Variants in NNT observed in about 807,000 individuals in gnomAD.
The protein encoded by NNT is nicotinamide nucleotide transhydrogenase, also known as NAD(P) transhydrogenase, mitochondrial.
NNT carries 50 observed loss-of-function variants against 104.8 expected under a neutral mutation model. The observed-to-expected ratio is 0.48, with a 90% CI of 0.38 to 0.60. The LOEUF (loss-of-function observed/expected upper bound fraction) is 0.60. Among genes scored for constraint, NNT ranks in the 20% least tolerant of loss-of-function variants. The pLI is 0.00. For synonymous variants in NNT, 461 were observed against 490.4 expected, an observed-to-expected ratio of 0.94 and a Z score of 0.79; for missense variants, 1,131 against 1,330.7, an observed-to-expected ratio of 0.85 and a Z score of 2.33.
intron 5 of NNT, among the ~76,000 whole-genome samples, chr5:43,620,806 T>C (rs1252825018): frequency 2.0e-5 from 3 of 152,210 alleles, no homozygotes; most frequent in Non-Finnish European, 4.4e-5. Flanking sequence ...AGAAGTTCGA[T>C]GCTGTTCTTA....
intron 12 of NNT, among the ~76,000 whole-genome samples, chr5:43,651,290 A>G (rs1002420666): frequency 1.3e-5 from 2 of 151,988 alleles, no homozygotes; most frequent in Admixed American, 6.6e-5. Flanking sequence ...ATGACTTTAA[A>G]TTTTGGCTGG....
At chr5:43,661,322 T>A (rs1580063141) in intron 17 of NNT, among the ~76,000 whole-genome samples, 1 of 152,164 alleles carries the variant, frequency 6.6e-6, no homozygotes, top group Non-Finnish European at 1.5e-5. Context: ...GTTGATGAAT[T>A]TGAATGACCA....
rs778531642 is a variant in NNT, at chr5:43,609,211, A to G, written c.16A>G (p.Lys6Glu). Residue 6 changes from lysine (K) to glutamate (E), a missense_variant, in exon 2 of 22, where the codon AAA becomes GAA. By Grantham distance (56) the Lys-to-Glu change is moderately conservative. Coordinates refer to ENST00000344920, the MANE Select transcript of NNT (RefSeq NM_182977.3). MANLL[K>E]TVVTGCSCPL... Reference sequence around the variant, plus strand: ...TCATATCAACATGGCAAACCTATTGAAAACAGTGGTGACTGGCTGCTCGTG... The same window carrying G: ...TCATATCAACATGGCAAACCTATTGGAAACAGTGGTGACTGGCTGCTCGTG... The G allele has an allele frequency of 5.0e-6, 8 of 1,613,622 alleles. No homozygotes were observed. The Admixed American group carries it at 1.3e-4, about 27-fold the overall frequency.
intron 11 of NNT, among the ~76,000 whole-genome samples, 157 bp downstream of exon 11, chr5:43,649,465 AG>A (rs150041187): frequency 0.059 from 8,966 of 151,972 alleles, 505 homozygotes; most frequent in African/African-American, 0.14. Context: ...AGACTCTGAG[AG>A]GGTATGGGAT....
chr5:43,662,772 A>T (rs1457635222), intron 17 of NNT, among the ~76,000 whole-genome samples: 1 of 152,078 alleles, frequency 6.6e-6, no homozygotes, highest in Non-Finnish European at 1.5e-5. Flanking sequence ...ACATGCCTAT[A>T]GTCCCAGCTA....
chr5:43,666,985 G>A, intron 17 of NNT: 8 of 1,595,478 alleles, frequency 5.0e-6, no homozygotes, highest in South Asian at 1.1e-5. Flanking sequence ...TGGGATCTTG[G>A]GCTTAACCTC....
At chr5:43,686,090 A>G (rs1400087093) in intron 19 of NNT, among the ~76,000 whole-genome samples, 2 of 152,024 alleles carry the variant, frequency 1.3e-5, no homozygotes, top group African/African-American at 4.8e-5. Flanking sequence ...AGGTTGTTTC[A>G]TTTGAGTAGA....
At chr5:43,625,771 T>G (rs1026805299) in intron 6 of NNT, among the ~76,000 whole-genome samples, 1 of 152,122 alleles carries the variant, frequency 6.6e-6, no homozygotes, top group African/African-American at 2.4e-5. Context: ...TTCTTTCCTA[T>G]CATAAAATAG....
At chr5:43,605,872 G>C (rs533316879) in intron 1 of NNT, among the ~76,000 whole-genome samples, 1 of 152,114 alleles carries the variant, frequency 6.6e-6, no homozygotes, top group Non-Finnish European at 1.5e-5. Flanking sequence ...GCCTATGAAG[G>C]CTTTGGCCCT....
chr5:43,603,813 T>C (rs1240308307), intron 1 of NNT, among the ~76,000 whole-genome samples: 1 of 151,688 alleles, frequency 6.6e-6, no homozygotes, highest in East Asian at 1.9e-4. Flanking sequence ...GCTGGGGACA[T>C]AGGAGATTGC....
chr5:43,620,368 G>A (rs1192935807), intron 5 of NNT, among the ~76,000 whole-genome samples: 1 of 151,918 alleles, frequency 6.6e-6, no homozygotes, highest in Non-Finnish European at 1.5e-5. Context: ...TATGGGCGCC[G>A]GCCACCATGC....
intron 18 of NNT, 24 bp downstream of exon 18, chr5:43,675,694 A>G (rs746992194): frequency 1.3e-6 from 2 of 1,541,038 alleles, no homozygotes; most frequent in South Asian, 2.5e-5. Context: ...GCAAAAGCAA[A>G]TAACCTATAA....
intron 18 of NNT, among the ~76,000 whole-genome samples, chr5:43,676,179 T>C (rs1741405938): frequency 6.6e-6 from 1 of 152,206 alleles, no homozygotes. Context: ...TAATTTTGCC[T>C]CTAACAATCT....
chr5:43,664,345 A>G (rs1740518466), intron 17 of NNT, among the ~76,000 whole-genome samples: 1 of 152,234 alleles, frequency 6.6e-6, no homozygotes, highest in South Asian at 2.1e-4. Flanking sequence ...TGATTTTTGC[A>G]CTTTGCTGCT....
intron 17 of NNT, 60 bp downstream of exon 17, chr5:43,659,410 A>G (rs1384265365): frequency 1.5e-6 from 2 of 1,365,730 alleles, no homozygotes; most frequent in Middle Eastern, 4.7e-4. Context: ...ATGGATGTGC[A>G]TGTCATTTCT....
intron 17 of NNT, among the ~76,000 whole-genome samples, chr5:43,670,630 C>T (rs995713767): frequency 6.6e-6 from 1 of 152,194 alleles, no homozygotes; most frequent in Non-Finnish European, 1.5e-5. Context: ...AGTGTGATTG[C>T]ACTGTGGTCT....
At chr5:43,613,340 TGAG>T in intron 3 of NNT, 1 of 513,772 alleles carries the variant, frequency 1.9e-6, no homozygotes. Context: ...TGTTTAACCA[TGAG>T]GAGAGAAAAA....
chr5:43,608,177 C>T (rs1023902458), intron 1 of NNT, among the ~76,000 whole-genome samples: 2 of 151,902 alleles, frequency 1.3e-5, no homozygotes, highest in Non-Finnish European at 2.9e-5. Flanking sequence ...GATCTGCTCA[C>T]CTTGGCCTCC....
At chr5:43,666,089 G>A (rs933063869) in intron 17 of NNT, among the ~76,000 whole-genome samples, 2 of 151,754 alleles carry the variant, frequency 1.3e-5, no homozygotes, top group Non-Finnish European at 2.9e-5. Flanking sequence ...GCCGGGAAGA[G>A]GCGCTCCTCA....
Sources: allele counts gnomAD v4.1 joint callset (sites outside exome capture counted in the v4.1 genomes callset), GRCh38; gene constraint gnomAD v4.1.1; transcripts MANE v1.5; gene names NCBI Gene and HGNC (gene_info 2026-07-23, HGNC 2026-07-21).